RALA: variants seen among roughly 807,000 people sequenced by gnomAD.
RALA encodes the protein ras-related protein Ral-A.
In RALA, 5 loss-of-function variants were observed where a neutral mutation model predicts 24.0. That is an observed-to-expected ratio of 0.21 (90% CI 0.11 to 0.44). The LOEUF is 0.44. Ranked by LOEUF, RALA falls within the 20% of genes least tolerant of loss-of-function variation. The pLI is 0.99. For missense variants in RALA, 95 were observed against 241.2 expected (o/e 0.39, Z 4.01); for synonymous variants, 77 against 83.8 (o/e 0.92, Z 0.44).
At chr7:39,680,723 G>C (rs1229474491) in intron 1 of RALA, among the ~76,000 whole-genome samples, 1 of 151,548 alleles carries the variant, frequency 6.6e-6, no homozygotes, top group African/African-American at 2.4e-5. Context: ...TTTTTTTCCA[G>C]TTGGCTTGAC....
intron 2 of RALA, among the ~76,000 whole-genome samples, chr7:39,687,427 A>C (rs80162038): frequency 1.5e-3 from 211 of 138,454 alleles, no homozygotes; most frequent in Middle Eastern, 7.8e-3. Flanking sequence ...ACTCCATCCC[A>C]AAAAAAAAAA....
chr7:39,702,387 A>G (rs1321913922), intron 4 of RALA, among the ~76,000 whole-genome samples: 1 of 152,158 alleles, frequency 6.6e-6, no homozygotes, highest in Non-Finnish European at 1.5e-5. Context: ...CACACGTAAT[A>G]TATTTTGTAT....
At chr7:39,661,994 A>G (rs1216701446) in intron 1 of RALA, among the ~76,000 whole-genome samples, 2 of 152,200 alleles carry the variant, frequency 1.3e-5, no homozygotes, top group Non-Finnish European at 2.9e-5. Context: ...CACAGGCTCA[A>G]CAACACGTGG....
chr7:39,704,865 G>A (rs764029361), intron 4 of RALA, among the ~76,000 whole-genome samples: 12 of 151,654 alleles, frequency 7.9e-5, no homozygotes, highest in Admixed American at 1.3e-4. Context: ...TTGTAGAGAC[G>A]AGGTTTCACC....
intron 1 of RALA, among the ~76,000 whole-genome samples, chr7:39,626,740 G>C (rs1791495069): frequency 6.6e-6 from 1 of 152,220 alleles, no homozygotes; most frequent in Admixed American, 6.5e-5. Flanking sequence ...CCCTATTTGA[G>C]AGGAATACCA....
chr7:39,627,903 T>C (rs1410306102), intron 1 of RALA, among the ~76,000 whole-genome samples: 5 of 152,218 alleles, frequency 3.3e-5, no homozygotes, highest in Admixed American at 1.3e-4. Context: ...CCATTTATCC[T>C]TAATCTCATA....
chr7:39,668,494 A>G (rs908562524), intron 1 of RALA, among the ~76,000 whole-genome samples: 2 of 152,204 alleles, frequency 1.3e-5, no homozygotes, highest in Non-Finnish European at 2.9e-5. Context: ...AATTACAGCT[A>G]TGAAGTCAGT....
rs763961067 is a variant in RALA, at chr7:39,686,795, T to G, written c.114+14T>G. 6.3e-6 allele frequency: 10 copies of G among 1,575,528 alleles called. No individual in the cohort carries two copies. The highest frequency in any genetic ancestry group is 8.7e-6 in the Non-Finnish European group (10 of 1,145,050). ...ATGTACGATGAGGTAAGTGCTAATT[T>G]TATAATGGATCAAAGTTTAGGCTTT... On this transcript the variant is annotated intron_variant, in intron 2 of 4. Coordinates refer to ENST00000005257, the MANE Select transcript of RALA (RefSeq NM_005402.4).
At chr7:39,624,906 T>C (rs796345045) in intron 1 of RALA, among the ~76,000 whole-genome samples, 7 of 152,358 alleles carry the variant, frequency 4.6e-5, no homozygotes, top group African/African-American at 1.7e-4. Context: ...TGTATTTCAG[T>C]GTGTCTTATT....
chr7:39,680,128 G>A (rs1792563777), intron 1 of RALA, among the ~76,000 whole-genome samples: 1 of 152,064 alleles, frequency 6.6e-6, no homozygotes, highest in South Asian at 2.1e-4. Flanking sequence ...CCAACACTTT[G>A]GGAGGCCAAG....
chr7:39,655,692 C>G (rs1305692292), intron 1 of RALA, among the ~76,000 whole-genome samples: 1 of 152,098 alleles, frequency 6.6e-6, no homozygotes, highest in South Asian at 2.1e-4. Context: ...AAACTCACTT[C>G]AAGTATATCT....
At chr7:39,646,583 T>A (rs1345446088) in intron 1 of RALA, among the ~76,000 whole-genome samples, 1 of 152,200 alleles carries the variant, frequency 6.6e-6, no homozygotes, top group Non-Finnish European at 1.5e-5. Flanking sequence ...AGCCATGTTC[T>A]TGCTGTGCAC....
chr7:39,687,370 T>A (rs1424640200), intron 2 of RALA, among the ~76,000 whole-genome samples: 1 of 150,224 alleles, frequency 6.7e-6, no homozygotes, highest in Non-Finnish European at 1.5e-5. Context: ...GAGCTTGCAG[T>A]GAGCCGAGAT....
intron 1 of RALA, among the ~76,000 whole-genome samples, chr7:39,649,063 A>G (rs1008295366): frequency 1.3e-5 from 2 of 152,132 alleles, no homozygotes; most frequent in African/African-American, 4.8e-5. Flanking sequence ...CTGTCTCAAT[A>G]AAAATAAAAG....
chr7:39,672,846 CTT>C (rs1177457065), intron 1 of RALA, among the ~76,000 whole-genome samples: 1 of 152,092 alleles, frequency 6.6e-6, no homozygotes, highest in Non-Finnish European at 1.5e-5. Flanking sequence ...CAAGAGGAAA[CTT>C]TTTGGGGTAA....
intron 4 of RALA, chr7:39,701,141 C>T (rs992548974): frequency 7.9e-5 from 12 of 152,224 alleles, no homozygotes; most frequent in African/African-American, 7.2e-5. Flanking sequence ...TCACGGGGTT[C>T]GTGGTGGCAT....
At chr7:39,676,837 C>G (rs933204322) in intron 1 of RALA, among the ~76,000 whole-genome samples, 1 of 152,108 alleles carries the variant, frequency 6.6e-6, no homozygotes, top group East Asian at 1.9e-4. Context: ...GATTGGAGAT[C>G]TGTGGTCCGA....
chr7:39,635,255 G>A (rs1405936848), intron 1 of RALA, among the ~76,000 whole-genome samples: 1 of 152,134 alleles, frequency 6.6e-6, no homozygotes, highest in Non-Finnish European at 1.5e-5. Context: ...CCTGTCTGTA[G>A]TCCTAGCTAC....
At chr7:39,625,682 C>A (rs925764522) in intron 1 of RALA, among the ~76,000 whole-genome samples, 2 of 152,212 alleles carry the variant, frequency 1.3e-5, no homozygotes, top group Non-Finnish European at 2.9e-5. Flanking sequence ...TACTTCATTA[C>A]AACACTTTCT....
Sources: allele counts gnomAD v4.1 joint callset (sites outside exome capture counted in the v4.1 genomes callset), GRCh38; gene constraint gnomAD v4.1.1; transcripts MANE v1.5; gene names NCBI Gene and HGNC (gene_info 2026-07-23, HGNC 2026-07-21).